PALMD: variants seen among roughly 807,000 people sequenced by gnomAD.
PALMD encodes the protein palmdelphin.
In PALMD, 42 loss-of-function variants were observed where a neutral mutation model predicts 56.2. The ratio of observed to expected loss-of-function variants is 0.75; its 90% CI spans 0.58 to 0.97. The LOEUF is 0.97. Among genes scored for constraint, PALMD ranks in the 50% least tolerant of loss-of-function variants. The probability of loss-of-function intolerance (pLI) is 0.00; values close to 1 mark genes in which losing one functional copy is unlikely to be tolerated. For missense variants in PALMD, 660 were observed against 643.8 expected (o/e 1.03, Z -0.27); for synonymous variants, 242 against 222.9 (o/e 1.09, Z -0.76).
chr1:99,677,154 T>C (rs1273748848), intron 3 of PALMD, among the ~76,000 whole-genome samples: 1 of 152,130 alleles, frequency 6.6e-6, no homozygotes, highest in Non-Finnish European at 1.5e-5. Flanking sequence ...ACATAAATCC[T>C]TTAACCACTG....
chr1:99,657,758 T>C (rs1427288569), intron 1 of PALMD, among the ~76,000 whole-genome samples: 1 of 152,206 alleles, frequency 6.6e-6, no homozygotes, highest in Non-Finnish European at 1.5e-5. Flanking sequence ...TATGGTAACT[T>C]AGATTCCAGA....
intron 1 of PALMD, among the ~76,000 whole-genome samples, chr1:99,655,238 A>G (rs1278155054): frequency 6.6e-6 from 1 of 152,204 alleles, no homozygotes; most frequent in Non-Finnish European, 1.5e-5. Context: ...CAGCTGAATT[A>G]TGGTCATTTT....
chr1:99,653,025 C>G (rs972333500), intron 1 of PALMD, among the ~76,000 whole-genome samples: 8 of 152,048 alleles, frequency 5.3e-5, no homozygotes, highest in Admixed American at 4.6e-4. Flanking sequence ...GCCCCTTTTT[C>G]CTCTGCCTTC....
intron 3 of PALMD, chr1:99,683,652 AC>A (rs955000710): frequency 6.6e-6 from 1 of 152,128 alleles, no homozygotes; most frequent in African/African-American, 2.4e-5. Flanking sequence ...AGCACAATTG[AC>A]CTCCATGTTT....
intron 3 of PALMD, among the ~76,000 whole-genome samples, chr1:99,677,983 C>G (rs547920702): frequency 2.6e-5 from 4 of 152,128 alleles, no homozygotes; most frequent in Non-Finnish European, 5.9e-5. Context: ...ATATTAGTAC[C>G]ATGCTTGCTA....
intron 3 of PALMD, among the ~76,000 whole-genome samples, chr1:99,679,724 A>T (rs892217465): frequency 1.3e-5 from 2 of 152,192 alleles, no homozygotes; most frequent in African/African-American, 4.8e-5. Context: ...CAATTTTTTT[A>T]AGTTTTCTTT....
chr1:99,667,681 A>G lies in PALMD; in HGVS notation c.166A>G (p.Ser56Gly). The G allele has an allele frequency of 1.9e-6, 3 of 1,613,224 alleles. No individual in the cohort carries two copies. Among genetic ancestry groups the G allele is most frequent in the Non-Finnish European group, 2.5e-6 (3 of 1,179,238 alleles). ...LREKWLLDGISSGKEQEEMKK... is the reference protein window; with the variant it reads ...LREKWLLDGIGSGKEQEEMKK... ...GGAGAAATGGCTTCTAGATGGAATC[A>G]GCAGCGGAAAAGAACAGGAAGAGAT... The change falls in exon 3 of 8, where the codon AGC (serine) becomes GGC (glycine). Residue 56 changes from serine (S) to glycine (G), a missense_variant. Ser to Gly is a moderately conservative substitution (Grantham distance 56). Coordinates refer to ENST00000263174, the MANE Select transcript of PALMD (RefSeq NM_017734.5).
chr1:99,665,010 T>A (rs957226241), intron 2 of PALMD, among the ~76,000 whole-genome samples: 1 of 152,142 alleles, frequency 6.6e-6, no homozygotes, highest in Non-Finnish European at 1.5e-5. Context: ...CATCTTAATA[T>A]TCAAACTACT....
At chr1:99,681,133 G>A (rs1052433885) in intron 3 of PALMD, among the ~76,000 whole-genome samples, 12 of 129,134 alleles carry the variant, frequency 9.3e-5, no homozygotes, top group African/African-American at 3.1e-4. Flanking sequence ...GTGTGTGTGT[G>A]TGTATGTATA....
At chr1:99,655,936 ACACACACACACATG>A (rs11270542) in intron 1 of PALMD, among the ~76,000 whole-genome samples, 79,941 of 148,884 alleles carry the variant, frequency 0.54, 21,204 homozygotes, top group Middle Eastern at 0.63. Context: ...ACACACACGC[ACACACACACACATG>A]CACACACACA....
chr1:99,678,454 G>A lies in PALMD; in HGVS notation c.252-8222G>A, dbSNP rs191220805. On this transcript the variant is annotated intron_variant, in intron 3 of 7. Transcript: ENST00000263174. ...CTCCTCTACATCAAGCCCTGTTGTA[G>A]GGGTTTATGAACAATTACCTCAATT... 1.6e-3 allele frequency among the ~76,000 whole-genome samples: 239 copies of A among 152,160 alleles called. 1 individual carries two copies. The highest frequency in any genetic ancestry group is 3.9e-3 in the Admixed American group (59 of 15,288).
intron 1 of PALMD, among the ~76,000 whole-genome samples, chr1:99,661,037 A>C (rs890189773): frequency 2.0e-5 from 3 of 152,220 alleles, no homozygotes; most frequent in Non-Finnish European, 4.4e-5. Flanking sequence ...TTATCTTCAA[A>C]ATAGTCACAT....
chr1:99,676,079 A>T (rs575971055), intron 3 of PALMD, among the ~76,000 whole-genome samples: 7 of 152,252 alleles, frequency 4.6e-5, no homozygotes, highest in Non-Finnish European at 7.4e-5. Flanking sequence ...GTTATCTTAA[A>T]ACTGCTGCAT....
At chr1:99,681,326 T>C (rs1466281804) in intron 3 of PALMD, among the ~76,000 whole-genome samples, 1 of 152,164 alleles carries the variant, frequency 6.6e-6, no homozygotes, top group African/African-American at 2.4e-5. Context: ...TTCCATCCTA[T>C]ATATTTTCCC....
At chr1:99,688,115 G>A (rs1159959882) in intron 6 of PALMD, among the ~76,000 whole-genome samples, 1 of 152,016 alleles carries the variant, frequency 6.6e-6, no homozygotes, top group East Asian at 1.9e-4. Flanking sequence ...TGATATTGCT[G>A]TACTTTTTAG....
At chr1:99,651,355 A>C in intron 1 of PALMD, among the ~76,000 whole-genome samples, 1 of 152,220 alleles carries the variant, frequency 6.6e-6, no homozygotes, top group East Asian at 1.9e-4. Context: ...TCCACTGTGC[A>C]ACAAAATGAT....
intron 3 of PALMD, among the ~76,000 whole-genome samples, chr1:99,674,615 A>G (rs897005161): frequency 6.6e-6 from 1 of 152,114 alleles, no homozygotes; most frequent in Non-Finnish European, 1.5e-5. Flanking sequence ...CCCAAAAAAA[A>G]AAAAAATTTG....
chr1:99,666,627 A>G (rs200893758), intron 2 of PALMD, among the ~76,000 whole-genome samples: 61 of 152,144 alleles, frequency 4.0e-4, no homozygotes, highest in Non-Finnish European at 6.9e-4. Flanking sequence ...TGAATCCCCA[A>G]TGAATAATTA....
intron 7 of PALMD, among the ~76,000 whole-genome samples, chr1:99,691,795 T>C (rs940509944): frequency 6.6e-6 from 1 of 152,094 alleles, no homozygotes; most frequent in African/African-American, 2.4e-5. Flanking sequence ...ATGGTATAAA[T>C]CCCCTATTTA....
Sources: gnomAD v4.1 joint callset for allele counts (sites outside exome capture counted in the v4.1 genomes callset) on GRCh38, gnomAD v4.1.1 for gene constraint, MANE v1.5 for transcripts, NCBI Gene and HGNC (gene_info 2026-07-23, HGNC 2026-07-21) for gene names.